The following PSD3 variants were observed in gnomAD, a reference collection of about 807,000 sequenced individuals.
The protein encoded by PSD3 is PH and SEC7 domain-containing protein 3.
A neutral mutation model predicts 105.5 loss-of-function variants in PSD3; 49 were observed. The observed-to-expected ratio is 0.46, with a 90% CI of 0.37 to 0.59. PSD3 has a LOEUF of 0.59. Ranked by LOEUF, PSD3 falls within the 20% of genes least tolerant of loss-of-function variation. PSD3 has a pLI of 0.00. For missense variants in PSD3, 1,561 were observed against 1,263.8 expected, an observed-to-expected ratio of 1.24 and a Z score of -3.57; for synonymous variants, 557 against 457.8, an observed-to-expected ratio of 1.22 and a Z score of -2.77.
chr8:18,791,408 A>G (rs1365510723), intron 8 of PSD3, among the ~76,000 whole-genome samples: 2 of 152,108 alleles, frequency 1.3e-5, no homozygotes, highest in Non-Finnish European at 2.9e-5. Flanking sequence ...AGAATAGAGA[A>G]CCCAGAAATA....
chr8:18,734,969 C>G (rs1403664141), intron 9 of PSD3, among the ~76,000 whole-genome samples: 1 of 152,162 alleles, frequency 6.6e-6, no homozygotes, highest in Admixed American at 6.5e-5. Flanking sequence ...AAATCAAGTC[C>G]TCACATCAAA....
rs561851861 is a variant in PSD3, at chr8:18,981,656, A to ACC, written c.21+31906_21+31907insGG. On this transcript the variant is annotated intron_variant, in intron 1 of 15. Transcript: ENST00000327040. ...TAAAGCAAACATCACAATAAAGTGAATCACTCCAGTGATTCACTGTGAATA... is the reference window on the plus strand; with the variant it reads ...TAAAGCAAACATCACAATAAAGTGAACCTCACTCCAGTGATTCACTGTGAATA... Among the ~76,000 whole-genome samples the ACC allele has an allele frequency of 1.1e-4, 13 of 121,320 alleles. No homozygotes were observed. In the South Asian group the frequency reaches 3.5e-3, roughly 33 times the overall value. 79.6% of individuals were successfully genotyped at this position (121,320 alleles called of 152,430 possible).
At chr8:18,876,826 T>C (rs1817763420) in intron 2 of PSD3, among the ~76,000 whole-genome samples, 1 of 152,220 alleles carries the variant, frequency 6.6e-6, no homozygotes, top group African/African-American at 2.4e-5. Context: ...CTATTTACAT[T>C]CCTACAAGCA....
intron 9 of PSD3, among the ~76,000 whole-genome samples, chr8:18,722,441 A>C (rs1358811252): frequency 1.3e-5 from 2 of 152,194 alleles, no homozygotes; most frequent in Non-Finnish European, 2.9e-5. Context: ...TGATAATCTG[A>C]GATTTCTCTT....
At chr8:18,928,212 T>C (rs1323936673) in intron 2 of PSD3, among the ~76,000 whole-genome samples, 2 of 152,200 alleles carry the variant, frequency 1.3e-5, no homozygotes, top group African/African-American at 4.8e-5. Context: ...GTTTCCCCCA[T>C]ACTGTTCTCA....
chr8:18,664,976 T>G (rs936170338), intron 9 of PSD3, among the ~76,000 whole-genome samples: 3 of 152,176 alleles, frequency 2.0e-5, no homozygotes, highest in African/African-American at 7.2e-5. Context: ...AAGGATTCCT[T>G]TCAAAATGTT....
At chr8:18,604,131 C>T (rs549076154) in intron 11 of PSD3, among the ~76,000 whole-genome samples, 30 of 152,208 alleles carry the variant, frequency 2.0e-4, no homozygotes, top group African/African-American at 6.7e-4. Flanking sequence ...CAGAATAATA[C>T]AGGAAGATGA....
chr8:18,908,061 A>T (rs1311096565), intron 2 of PSD3, among the ~76,000 whole-genome samples: 1 of 152,202 alleles, frequency 6.6e-6, no homozygotes, highest in African/African-American at 2.4e-5. Context: ...TGAATGCAGA[A>T]TTGATAACAG....
In PSD3 at chr8:18,858,036, C is replaced by T. The variant is rs182256043; in HGVS notation, c.1634+9638G>A. ...TTCATGAGAAACTTATTTACCTTCC[C>T]TTGCACCATGACCACTGTCTGTCTC... On this transcript the variant is annotated intron_variant, in intron 4 of 15. Transcript: ENST00000327040. 6.6e-5 allele frequency among the ~76,000 whole-genome samples: 10 copies of T among 152,264 alleles called. No individual in the cohort carries two copies. In the East Asian group the frequency reaches 1.9e-3, roughly 29 times the overall value.
intron 1 of PSD3, among the ~76,000 whole-genome samples, chr8:19,067,945 C>T (rs150079121): frequency 4.7e-4 from 71 of 152,230 alleles, no homozygotes; most frequent in African/African-American, 1.5e-3. Flanking sequence ...CTTGTGGGTA[C>T]GAAGGAAAAT....
chr8:18,535,820 CA>C lies in PSD3; in HGVS notation c.3066del (p.Ala1023ProfsTer40). The C allele has an allele frequency of 6.2e-7, 1 of 1,614,130 alleles. No homozygotes were observed. Among genetic ancestry groups the C allele is most frequent in the Non-Finnish European group, 8.5e-7 (1 of 1,179,988 alleles). Reference protein sequence around the residue: ...PSLNPDTSPITAKVKRNVSER... With the variant: ...PSLNPDTSPIXAKVKRNVSER... ...TCTGACACGTTACGCTTGACTTTGG[CA>C]GTGATTGGAGAAGTATCCGGGTTCA... is the stretch of plus-strand genomic sequence containing the variant. On this transcript the variant is annotated frameshift_variant, in exon 16 of 16. Transcript: ENST00000327040. LOFTEE classifies it high-confidence loss of function.
At chr8:18,720,307 T>C (rs1211081753) in intron 9 of PSD3, among the ~76,000 whole-genome samples, 2 of 152,164 alleles carry the variant, frequency 1.3e-5, no homozygotes, top group Admixed American at 6.5e-5. Context: ...CACCAGATGT[T>C]TACTGGATTA....
intron 1 of PSD3, among the ~76,000 whole-genome samples, chr8:19,030,694 CCT>C (rs1827735887): frequency 6.6e-6 from 1 of 152,118 alleles, no homozygotes; most frequent in African/African-American, 2.4e-5. Flanking sequence ...ACCAATTAAA[CCT>C]CTTTTTAATT....
chr8:18,767,894 T>A (rs986117765), intron 8 of PSD3, among the ~76,000 whole-genome samples: 2 of 152,062 alleles, frequency 1.3e-5, no homozygotes, highest in African/African-American at 4.8e-5. Flanking sequence ...GAACAGCACC[T>A]AGTGAATTCA....
chr8:18,761,211 T>G (rs187833888), intron 9 of PSD3, among the ~76,000 whole-genome samples: 48 of 152,264 alleles, frequency 3.2e-4, no homozygotes, highest in African/African-American at 1.1e-3. Flanking sequence ...AAGATTCATT[T>G]TCAGTCAACG....
At chr8:18,594,850 T>C (rs1026173896) in intron 12 of PSD3, among the ~76,000 whole-genome samples, 3 of 152,162 alleles carry the variant, frequency 2.0e-5, no homozygotes, top group Admixed American at 1.3e-4. Context: ...GTACTCAGCA[T>C]GTAGAAAATT....
At chr8:18,793,651 G>A (rs182377803) in intron 8 of PSD3, among the ~76,000 whole-genome samples, 1 of 152,296 alleles carries the variant, frequency 6.6e-6, no homozygotes, top group African/African-American at 2.4e-5. Context: ...GCAGGGGAAA[G>A]CTCAGAGAGA....
chr8:18,747,024 A>T (rs1360230758), intron 9 of PSD3, among the ~76,000 whole-genome samples: 1 of 152,210 alleles, frequency 6.6e-6, no homozygotes, highest in Non-Finnish European at 1.5e-5. Flanking sequence ...GCATAGCCTC[A>T]GTTTTTAAAT....
At chr8:18,795,036 T>C (rs553109751) in intron 8 of PSD3, among the ~76,000 whole-genome samples, 1 of 152,376 alleles carries the variant, frequency 6.6e-6, no homozygotes, top group African/African-American at 2.4e-5. Flanking sequence ...TAATTAAGTT[T>C]ATAGATTAGA....
Sources: allele counts gnomAD v4.1 joint callset (sites outside exome capture counted in the v4.1 genomes callset), GRCh38; gene constraint gnomAD v4.1.1; transcripts MANE v1.5; gene names NCBI Gene and HGNC (gene_info 2026-07-23, HGNC 2026-07-21).